EIF5A2: variants seen among roughly 807,000 people sequenced by gnomAD.
The protein encoded by EIF5A2 is eukaryotic translation initiation factor 5A2.
In EIF5A2, 15 loss-of-function variants were observed where a neutral mutation model predicts 16.4. The observed-to-expected ratio is 0.92, with a 90% CI of 0.61 to 1.41. The LOEUF is 1.41. EIF5A2 is among the 40% of genes most tolerant of loss of function. The pLI, the probability that EIF5A2 is intolerant of heterozygous loss-of-function variation, is 0.00. For missense variants in EIF5A2, 144 were observed against 189.5 expected (o/e 0.76, Z 1.41); for synonymous variants, 48 against 61.1 (o/e 0.79, Z 1.00).
At chr3:170,894,257 T>C (rs377314666) in intron 4 of EIF5A2, 35 bp downstream of exon 4, 206 of 1,601,678 alleles carry the variant, frequency 1.3e-4, no homozygotes, top group Non-Finnish European at 1.7e-4. Flanking sequence ...TTTTATAAAA[T>C]GGTTTTCAAA....
rs1369355856 is a variant in EIF5A2 at position 170,888,471 on chromosome 3, TATATTTTAATA to T, written c.*4878_*4888del. On this transcript the variant is annotated 3_prime_UTR_variant, in exon 5 of 5. Transcript: ENST00000295822. The stretch of plus-strand genomic sequence containing the variant: ...ACAACTGATGAAGTTAACAGACAAA[TATATTTTAATA>T]ATATCACAAAGTTATAATTGTTAAG... 8.5e-5 allele frequency: 13 copies of T among 152,358 alleles called. No homozygotes were observed. The South Asian group carries it at 1.9e-3, about 22-fold the overall frequency. 9.4% of individuals were successfully genotyped at this position (152,358 alleles called of 1,614,324 possible). A position where few individuals can be genotyped will look rare whatever the true frequency, so the allele number is the denominator to read the frequency against.
chr3:170,904,098 A>G (rs1712876039), intron 3 of EIF5A2, among the ~76,000 whole-genome samples: 1 of 152,242 alleles, frequency 6.6e-6, no homozygotes, highest in Non-Finnish European at 1.5e-5. Context: ...GGGATTCCCA[A>G]AGGTCTATCT....
chr3:170,896,723 T>C (rs1187580203), intron 3 of EIF5A2, among the ~76,000 whole-genome samples: 1 of 152,182 alleles, frequency 6.6e-6, no homozygotes, highest in Non-Finnish European at 1.5e-5. Context: ...TACAGAAAAT[T>C]GGTACCAGGA....
intron 3 of EIF5A2, among the ~76,000 whole-genome samples, chr3:170,901,961 T>G (rs1051551777): frequency 5.9e-5 from 9 of 152,140 alleles, no homozygotes; most frequent in Non-Finnish European, 1.3e-4. Flanking sequence ...TCACTATTAT[T>G]GTACAGCCTA....
intron 3 of EIF5A2, among the ~76,000 whole-genome samples, chr3:170,895,004 C>T (rs749301541): frequency 1.2e-4 from 15 of 120,786 alleles, no homozygotes; most frequent in Non-Finnish European, 1.9e-4. Context: ...CCAGCCTGGG[C>T]GACAGAGCGA....
In EIF5A2 at chr3:170,896,266, C is replaced by T. The variant is rs562639418; in HGVS notation, c.271-1843G>A. Among the ~76,000 whole-genome samples the T allele has an allele frequency of 3.9e-5, 6 of 152,116 alleles. No homozygotes were observed. The South Asian group carries it at 1.0e-3, about 26-fold the overall frequency. On this transcript the variant is annotated intron_variant, in intron 3 of 4. Transcript: ENST00000295822. ...AACATCTAGTAAAACAATGCATTTA[C>T]AAACATTAAACATTAAGATAAATTG... is the stretch of plus-strand genomic sequence containing the variant.
intron 3 of EIF5A2, among the ~76,000 whole-genome samples, chr3:170,903,723 T>C (rs183703341): frequency 6.6e-6 from 1 of 152,298 alleles, no homozygotes; most frequent in East Asian, 1.9e-4. Context: ...AACATTCAAA[T>C]AATATACTAC....
intron 3 of EIF5A2, among the ~76,000 whole-genome samples, chr3:170,900,681 TTCA>T (rs918220809): frequency 6.6e-6 from 1 of 152,180 alleles, no homozygotes; most frequent in African/African-American, 2.4e-5. Context: ...AAATATGTAT[TTCA>T]TCATCTTTAG....
chr3:170,893,336 A>G lies in EIF5A2; in HGVS notation c.*24T>C. On this transcript the variant is annotated 3_prime_UTR_variant, in exon 5 of 5. Coordinates refer to ENST00000295822, the MANE Select transcript of EIF5A2 (RefSeq NM_020390.6). ...ATCTGCAGTTGATTCAGACATAAAC[A>G]GTGTTCATGCCTGATGTTTCCGTTT... 1 of 1,613,290 alleles carries G rather than the reference A, an allele frequency of 6.2e-7. No individual in the cohort carries two copies. The highest frequency in any genetic ancestry group is 2.2e-5 in the East Asian group (1 of 44,796).
In EIF5A2 at chr3:170,891,013, C is replaced by T. The variant is rs1273886976; in HGVS notation, c.*2347G>A. The T allele has an allele frequency of 2.0e-5, 3 of 152,458 alleles. No homozygotes were observed. Among genetic ancestry groups the T allele is most frequent in the African/African-American group, 7.2e-5 (3 of 41,392 alleles). The allele number at this position is 152,458 out of a possible 1,614,324, so 9.4% of individuals were successfully genotyped here. ...ATTACTTAAAATGAAAATATTTATG[C>T]ATAAATAGCGTTTGCCATTCAAAGT... On this transcript the variant is annotated 3_prime_UTR_variant, in exon 5 of 5. Coordinates refer to ENST00000295822, the MANE Select transcript of EIF5A2 (RefSeq NM_020390.6).
In EIF5A2 at chr3:170,898,717, A is replaced by T. The variant is rs1301281878; in HGVS notation, c.271-4294T>A. The stretch of plus-strand genomic sequence containing the variant: ...TTTTAAATTGAATTATTTATTAAAA[A>T]ATCTTAAGTTCTATAGAAAAGTTGC... On this transcript the variant is annotated intron_variant, in intron 3 of 4. Coordinates refer to ENST00000295822, the MANE Select transcript of EIF5A2 (RefSeq NM_020390.6). Among the ~76,000 whole-genome samples, 4 of 152,182 alleles carry T rather than the reference A, an allele frequency of 2.6e-5. No homozygotes were observed. In the East Asian group the frequency reaches 5.8e-4, roughly 22 times the overall value.
rs140607254 is a variant in EIF5A2 at position 170,898,592 on chromosome 3, C to T, written c.271-4169G>A. Among the ~76,000 whole-genome samples, 106 of 151,968 alleles carry T rather than the reference C, an allele frequency of 7.0e-4. 3 individuals carry two copies. In the East Asian group the frequency reaches 0.019, roughly 27 times the overall value. On this transcript the variant is annotated intron_variant, in intron 3 of 4. Transcript: ENST00000295822. ...TGATTGTAAGTTTCCTGAGGCCTCC[C>T]CAGCCATGTGGAACTGTGAATCAGT... is the stretch of plus-strand genomic sequence containing the variant.
intron 3 of EIF5A2, among the ~76,000 whole-genome samples, chr3:170,901,562 CT>C (rs35685053): frequency 0.17 from 23,848 of 141,876 alleles, 1,839 homozygotes; most frequent in Middle Eastern, 0.25. Context: ...CAGGTGCCTT[CT>C]TTTTTTTTTT....
rs1712506733 is a variant in EIF5A2, at chr3:170,890,562, G to C, written c.*2798C>G. ...TGCTAAGTCAAAGTAGCAATGATAT[G>C]ATCTATGTTGTAGCAAATAAGGTAT... is the stretch of plus-strand genomic sequence containing the variant. On this transcript the variant is annotated 3_prime_UTR_variant, in exon 5 of 5. Transcript: ENST00000295822. The C allele has an allele frequency of 6.6e-6, 1 of 152,110 alleles. No homozygotes were observed. The highest frequency in any genetic ancestry group is 1.5e-5 in the Non-Finnish European group (1 of 67,972). 9.4% of individuals were successfully genotyped at this position (152,110 alleles called of 1,614,324 possible). A position where few individuals can be genotyped will look rare whatever the true frequency, so the allele number is the denominator to read the frequency against.
intron 3 of EIF5A2, among the ~76,000 whole-genome samples, chr3:170,900,366 C>CAAAAAA (rs1168908597): frequency 3.1e-5 from 2 of 64,114 alleles, no homozygotes; most frequent in Non-Finnish European, 6.2e-5. Flanking sequence ...GACTCCATCT[C>CAAAAAA]AAAAAAAAAA....
rs1712514757 is a variant in EIF5A2, at chr3:170,890,803, G to T, written c.*2557C>A. Reference sequence around the variant, plus strand: ...GGGAATCAACTTTAACATTTCTGATGTCTAAAAAGAATGAAGTCACTTCTG... The same window carrying T: ...GGGAATCAACTTTAACATTTCTGATTTCTAAAAAGAATGAAGTCACTTCTG... On this transcript the variant is annotated 3_prime_UTR_variant, in exon 5 of 5. Transcript: ENST00000295822. 1.3e-5 allele frequency: 2 copies of T among 152,472 alleles called. No individual in the cohort carries two copies. Among genetic ancestry groups the T allele is most frequent in the African/African-American group, 4.8e-5 (2 of 41,426 alleles). 9.4% of individuals were successfully genotyped at this position (152,472 alleles called of 1,614,324 possible). A position where few individuals can be genotyped will look rare whatever the true frequency, so the allele number is the denominator to read the frequency against.
At chr3:170,907,884 A>G in intron 1 of EIF5A2, 43 bp from the exon 2 acceptor site, 2 of 1,400,310 alleles carry the variant, frequency 1.4e-6, no homozygotes, top group Non-Finnish European at 9.5e-7. Flanking sequence ...ACGGGTATGT[A>G]GGCAGGGAAA....
Position 170,890,793 on chromosome 3 carries a change from CA to C in EIF5A2, c.*2566del, listed in dbSNP as rs947771701. ...AACAAATATTGGGAATCAACTTTAA[CA>C]TTTCTGATGTCTAAAAAGAATGAAG... is the stretch of plus-strand genomic sequence containing the variant. On this transcript the variant is annotated 3_prime_UTR_variant, in exon 5 of 5. Coordinates refer to ENST00000295822, the MANE Select transcript of EIF5A2 (RefSeq NM_020390.6). 6 of 152,464 alleles carry C rather than the reference CA, an allele frequency of 3.9e-5. No individual in the cohort carries two copies. The highest frequency in any genetic ancestry group is 8.8e-5 in the Non-Finnish European group (6 of 67,970). 9.4% of individuals were successfully genotyped at this position (152,464 alleles called of 1,614,324 possible). A position where few individuals can be genotyped will look rare whatever the true frequency, so the allele number is the denominator to read the frequency against.
intron 3 of EIF5A2, among the ~76,000 whole-genome samples, chr3:170,906,229 A>C (rs541934354): frequency 1.3e-5 from 2 of 152,300 alleles, no homozygotes; most frequent in East Asian, 3.9e-4. Flanking sequence ...CAGAAATTGA[A>C]GACTTTCAAG....
Sources: gnomAD v4.1 joint callset for allele counts (sites outside exome capture counted in the v4.1 genomes callset) on GRCh38, gnomAD v4.1.1 for gene constraint, MANE v1.5 for transcripts, NCBI Gene and HGNC (gene_info 2026-07-23, HGNC 2026-07-21) for gene names.